The following C9orf85 variants were observed in gnomAD, a reference collection of about 807,000 sequenced individuals.
C9orf85 encodes the protein chromosome 9 open reading frame 85, also known as uncharacterized protein C9orf85.
Under a neutral mutation model 14.9 loss-of-function variants are expected in C9orf85, and 16 were observed. The observed-to-expected ratio is 1.08, with a 90% CI of 0.73 to 1.63. The LOEUF is 1.63. Among genes scored for constraint, C9orf85 ranks in the 40% most tolerant of loss-of-function variants. C9orf85 has a pLI of 0.00. For missense variants in C9orf85, 172 were observed against 186.1 expected (o/e 0.92, Z 0.44); for synonymous variants, 45 against 56.8 (o/e 0.79, Z 0.93).
At chr9:71,943,918 C>T (rs1564090779) in intron 1 of C9orf85, among the ~76,000 whole-genome samples, 1 of 150,242 alleles carries the variant, frequency 6.7e-6, no homozygotes. Flanking sequence ...CTTAAAGCAG[C>T]AATAACAACA....
In C9orf85 at chr9:71,915,189, T is replaced by A. The variant is rs867141006; in HGVS notation, c.102+3353T>A. On this transcript the variant is annotated intron_variant, in intron 1 of 3. Transcript: ENST00000334731. The stretch of plus-strand genomic sequence containing the variant: ...TACAAAAATTATTATTATTATTTTT[T>A]TTTTTTTTTTGAGACAGAGTCTCGC... Among the ~76,000 whole-genome samples the A allele has an allele frequency of 4.2e-3, 621 of 146,968 alleles. 3 individuals are homozygous for A. The highest frequency in any genetic ancestry group is 0.015 in the Middle Eastern group (4 of 274).
At chr9:71,951,549 C>T (rs575432078) in intron 2 of C9orf85, among the ~76,000 whole-genome samples, 1 of 152,162 alleles carries the variant, frequency 6.6e-6, no homozygotes, top group African/African-American at 2.4e-5. Flanking sequence ...CTACTCCCTG[C>T]GGGAGGGCTG....
At chr9:71,954,184 A>G (rs1482703590) in intron 2 of C9orf85, among the ~76,000 whole-genome samples, 1 of 148,902 alleles carries the variant, frequency 6.7e-6, no homozygotes, top group Non-Finnish European at 1.5e-5. Context: ...GTGGGACTCT[A>G]GCAGCAGGAG....
At chr9:71,925,796 A>T (rs935715737) in intron 1 of C9orf85, among the ~76,000 whole-genome samples, 8 of 152,262 alleles carry the variant, frequency 5.3e-5, no homozygotes, top group Admixed American at 1.3e-4. Context: ...AAAAAGCAAA[A>T]TAAGTTCTAC....
intron 1 of C9orf85, among the ~76,000 whole-genome samples, chr9:71,923,085 G>A (rs370826673): frequency 1.2e-4 from 19 of 152,146 alleles, no homozygotes; most frequent in Admixed American, 7.2e-4. Context: ...AGCTGAGGTC[G>A]CGCCGCTGCA....
intron 1 of C9orf85, among the ~76,000 whole-genome samples, chr9:71,923,466 C>T (rs184406117): frequency 7.6e-4 from 116 of 152,218 alleles, no homozygotes; most frequent in Admixed American, 1.2e-3. Context: ...TGGGTTTTCT[C>T]CATGTTGGTC....
intron 2 of C9orf85, among the ~76,000 whole-genome samples, chr9:71,959,646 A>T (rs1181130437): frequency 1.3e-5 from 2 of 152,182 alleles, no homozygotes; most frequent in Non-Finnish European, 2.9e-5. Flanking sequence ...TCCCTAACTT[A>T]AGTAGAGTTT....
intron 2 of C9orf85, among the ~76,000 whole-genome samples, chr9:71,958,964 T>G (rs537030881): frequency 1.3e-5 from 2 of 152,242 alleles, no homozygotes; most frequent in East Asian, 1.9e-4. Flanking sequence ...TTAAGTAAAT[T>G]TATAGCCTTT....
chr9:71,922,007 C>T (rs920795688), intron 1 of C9orf85, among the ~76,000 whole-genome samples: 4 of 151,600 alleles, frequency 2.6e-5, no homozygotes, highest in African/African-American at 4.9e-5. Context: ...GTGGCGCAAT[C>T]TTGGCTCACT....
At chr9:71,944,657 C>T (rs535234857) in intron 1 of C9orf85, among the ~76,000 whole-genome samples, 2 of 152,092 alleles carry the variant, frequency 1.3e-5, no homozygotes, top group South Asian at 4.2e-4. Flanking sequence ...AGAAGGATTC[C>T]TAGAACTAGG....
At chr9:71,926,639 A>G (rs1827936052) in intron 1 of C9orf85, among the ~76,000 whole-genome samples, 1 of 150,816 alleles carries the variant, frequency 6.6e-6, no homozygotes, top group Admixed American at 6.6e-5. Flanking sequence ...CTGTTGAAAA[A>G]AAAAAAAAAA....
intron 2 of C9orf85, among the ~76,000 whole-genome samples, chr9:71,959,195 T>C (rs1023182632): frequency 6.6e-6 from 1 of 152,008 alleles, no homozygotes; most frequent in Non-Finnish European, 1.5e-5. Context: ...TGGAGTACAA[T>C]GGCACGATCT....
intron 1 of C9orf85, among the ~76,000 whole-genome samples, chr9:71,924,141 G>A (rs1254547035): frequency 6.6e-6 from 1 of 152,160 alleles, no homozygotes; most frequent in African/African-American, 2.4e-5. Flanking sequence ...TTCTAACAGT[G>A]ATTAATTTGG....
At position 71,935,889 on chromosome 9, in the gene C9orf85, T is replaced by G. The variant is rs569147109; in HGVS notation, c.103-11117T>G. The stretch of plus-strand genomic sequence containing the variant: ...TTAAGTTGGTAAATTTTATGCTCTG[T>G]GTATTTACCAGGGGAGAAACAGAAA... On this transcript the variant is annotated intron_variant, in intron 1 of 3. Transcript: ENST00000334731. Among the ~76,000 whole-genome samples, 6 of 95,228 alleles carry G rather than the reference T, an allele frequency of 6.3e-5. No individual in the cohort carries two copies. In the South Asian group the frequency reaches 3.0e-3, roughly 47 times the overall value. 62.5% of individuals were successfully genotyped at this position (95,228 alleles called of 152,430 possible).
At chr9:71,926,007 C>T (rs1827922912) in intron 1 of C9orf85, among the ~76,000 whole-genome samples, 1 of 152,144 alleles carries the variant, frequency 6.6e-6, no homozygotes, top group African/African-American at 2.4e-5. Context: ...ATACCTGATC[C>T]CTGTTGGTCT....
intron 1 of C9orf85, among the ~76,000 whole-genome samples, chr9:71,940,591 C>T (rs985539138): frequency 2.0e-5 from 3 of 152,054 alleles, no homozygotes. Flanking sequence ...ATTTCAAGTG[C>T]AGGAAATAAT....
intron 2 of C9orf85, among the ~76,000 whole-genome samples, chr9:71,966,103 C>G (rs1822682950): frequency 6.6e-6 from 1 of 152,204 alleles, no homozygotes; most frequent in Non-Finnish European, 1.5e-5. Context: ...TCAAACTGTT[C>G]AAATAAGGCA....
downstream of C9orf85, chr9:71,983,391 T>G (rs1330014086): frequency 6.6e-6 from 1 of 152,254 alleles, no homozygotes; most frequent in Non-Finnish European, 1.5e-5. Context: ...TTGGGTTGTT[T>G]TCTTACCATT....
chr9:71,935,362 G>A (rs948180413), intron 1 of C9orf85, among the ~76,000 whole-genome samples: 1 of 152,084 alleles, frequency 6.6e-6, no homozygotes, highest in East Asian at 1.9e-4. Flanking sequence ...AGCAACTGAA[G>A]TATCCATCTA....
Sources: allele counts gnomAD v4.1 joint callset (sites outside exome capture counted in the v4.1 genomes callset), GRCh38; gene constraint gnomAD v4.1.1; transcripts MANE v1.5; gene names NCBI Gene and HGNC (gene_info 2026-07-23, HGNC 2026-07-21).